Variants in ZNF721 observed in about 807,000 individuals in gnomAD.
ZNF721 encodes zinc finger protein 721.
In ZNF721, 2 loss-of-function variants were observed where a neutral mutation model predicts 2.4. That is an observed-to-expected ratio of 0.82 (90% CI 0.34 to 2.58). ZNF721 has a LOEUF of 2.58. ZNF721 is among the 30% of genes most tolerant of loss of function. The probability of loss-of-function intolerance (pLI) is 0.11; values close to 1 mark genes in which losing one functional copy is unlikely to be tolerated. For missense variants in ZNF721, 1,187 were observed against 1,085.5 expected, an observed-to-expected ratio of 1.09 and a Z score of -1.31; for synonymous variants, 398 against 381.8, an observed-to-expected ratio of 1.04 and a Z score of -0.50.
intron 2 of ZNF721, among the ~76,000 whole-genome samples, chr4:455,195 A>T (rs1311950078): frequency 6.6e-6 from 1 of 152,192 alleles, no homozygotes; most frequent in African/African-American, 2.4e-5. Context: ...CATGGGATAA[A>T]GGTTGTTTAC....
At chr4:476,142 C>T (rs1231983299) in intron 1 of ZNF721, among the ~76,000 whole-genome samples, 1 of 152,182 alleles carries the variant, frequency 6.6e-6, no homozygotes, top group African/African-American at 2.4e-5. Context: ...GTCAATCCAA[C>T]TCATGGTATT....
chr4:464,303 C>G (rs1289455572), intron 2 of ZNF721, among the ~76,000 whole-genome samples: 3 of 151,796 alleles, frequency 2.0e-5, no homozygotes, highest in Non-Finnish European at 2.9e-5. Flanking sequence ...AAACCCATCT[C>G]TACTAAAAAT....
At chr4:463,767 G>T (rs938595769) in intron 2 of ZNF721, among the ~76,000 whole-genome samples, 5 of 152,094 alleles carry the variant, frequency 3.3e-5, no homozygotes, top group Non-Finnish European at 5.9e-5. Flanking sequence ...GGAATGAGGG[G>T]GCTAGGGGAG....
At position 492,920 on chromosome 4, in the gene ZNF721, C is replaced by T. The variant is rs140454966; in HGVS notation, c.-94+6136G>A. Among the ~76,000 whole-genome samples, 64 of 151,832 alleles carry T rather than the reference C, an allele frequency of 4.2e-4. No individual in the cohort carries two copies. The East Asian group carries it at 0.011, about 27-fold the overall frequency. On this transcript the variant is annotated intron_variant, in intron 1 of 2. Coordinates refer to ENST00000511833, the MANE Select transcript of ZNF721 (RefSeq NM_133474.4). ...CTTTGAATTAGACAAAACTTATTCACCTTTTTAAAAAGGTTACACTTTTTT... is the reference window on the plus strand; with the variant it reads ...CTTTGAATTAGACAAAACTTATTCATCTTTTTAAAAAGGTTACACTTTTTT...
rs1553863253 is a variant in ZNF721 at position 442,124 on chromosome 4, G to C, written c.2343C>G (p.Tyr781Ter). The C allele has an allele frequency of 3.1e-6, 5 of 1,613,734 alleles. No homozygotes were observed. The highest frequency in any genetic ancestry group is 4.2e-6 in the Non-Finnish European group (5 of 1,179,744). Residue 781 changes from tyrosine to a stop codon, truncating the protein, a stop_gained, in exon 3 of 3, where the codon TAC becomes TAG. Coordinates refer to ENST00000511833, the MANE Select transcript of ZNF721 (RefSeq NM_133474.4). LOFTEE classifies it low-confidence loss of function (END_TRUNC). Reference protein sequence around the residue: ...HEKIHTGKKPYKCKECGKVIT... With the variant: ...HEKIHTGKKP ...TGACTTTGCCACATTCCTTACATTT[G>C]TAGGGTTTCTTTCCAGTATGAATTT...
Position 443,068 on chromosome 4 carries a change from G to A in ZNF721, c.1399C>T (p.His467Tyr). 2 of 1,613,838 alleles carry A rather than the reference G, an allele frequency of 1.2e-6. No homozygotes were observed. The highest frequency in any genetic ancestry group is 1.7e-6 in the Non-Finnish European group (2 of 1,179,828). ...SLHLNKHEKI[H>Y]TGKKPYKCKQ... ...CATTTGTAGGGTTTCTTTCCAGTAT[G>A]AATTTTCTCATGTTTATTCAGGTGC... Residue 467 changes from histidine (H) to tyrosine (Y), a missense_variant, in exon 3 of 3, where the codon CAT becomes TAT. Physicochemically the swap from His to Tyr is moderately conservative, Grantham distance 83 (BLOSUM62 2). Coordinates refer to ENST00000511833, the MANE Select transcript of ZNF721 (RefSeq NM_133474.4).
In ZNF721 at chr4:444,001, T is replaced by C; in HGVS notation, c.466A>G (p.Lys156Glu). 3 of 1,614,166 alleles carry C rather than the reference T, an allele frequency of 1.9e-6. No individual in the cohort carries two copies. Among genetic ancestry groups the C allele is most frequent in the Non-Finnish European group, 2.5e-6 (3 of 1,180,018 alleles). Residue 156 changes from lysine (K) to glutamate (E), a missense_variant, in exon 3 of 3, where the codon AAG becomes GAG. Physicochemically the swap from Lys to Glu is moderately conservative, Grantham distance 56. Coordinates refer to ENST00000511833, the MANE Select transcript of ZNF721 (RefSeq NM_133474.4). ...GGTTTCTCTCCAGTATGAATTTTCT[T>C]GTGTTGATTCAGGTCTGTGTACCAT... is the stretch of plus-strand genomic sequence containing the variant. ...FGWYTDLNQHKKIHTGEKPYK... is the reference protein window; with the variant it reads ...FGWYTDLNQHEKIHTGEKPYK...
chr4:442,369 C>G lies in ZNF721; in HGVS notation c.2098G>C (p.Glu700Gln), dbSNP rs1553863344. ...CTACTAAAGGCTTTGCCACACTCTT[C>G]ACATTTGTAAGGTTTTTCTCCAGTA... is the stretch of plus-strand genomic sequence containing the variant. ...IHTGEKPYKCEECGKAFSRSR... is the reference protein window; with the variant it reads ...IHTGEKPYKCQECGKAFSRSR... The change falls in exon 3 of 3, where the codon GAA (glutamate) becomes CAA (glutamine). Residue 700 changes from glutamate to glutamine, a missense_variant. Transcript: ENST00000511833. 6 of 1,613,852 alleles carry G rather than the reference C, an allele frequency of 3.7e-6. No homozygotes were observed. In the Admixed American group the frequency reaches 1.0e-4, roughly 27 times the overall value.
At chr4:496,528 G>A (rs1378179006) in intron 1 of ZNF721, among the ~76,000 whole-genome samples, 5 of 152,024 alleles carry the variant, frequency 3.3e-5, no homozygotes, top group Admixed American at 2.6e-4. Flanking sequence ...GCTGAGGGGA[G>A]GCAGGTGCTC....
intron 2 of ZNF721, chr4:453,926 T>A (rs140690554): frequency 6.6e-6 from 1 of 152,180 alleles, no homozygotes; most frequent in African/African-American, 2.4e-5. Context: ...ACGGTATATA[T>A]TGGGAACCTG....
chr4:489,856 A>T (rs1715980063), intron 1 of ZNF721, among the ~76,000 whole-genome samples: 1 of 152,162 alleles, frequency 6.6e-6, no homozygotes, highest in Non-Finnish European at 1.5e-5. Flanking sequence ...TTGGGTTTTT[A>T]AATTTAATTG....
intron 1 of ZNF721, among the ~76,000 whole-genome samples, chr4:477,263 T>G (rs1257056307): frequency 3.4e-5 from 5 of 145,754 alleles, no homozygotes; most frequent in Admixed American, 2.8e-4. Context: ...CCTTTTTTTT[T>G]TTTTTTTTTT....
intron 1 of ZNF721, among the ~76,000 whole-genome samples, chr4:491,837 A>G (rs1716028864): frequency 2.0e-5 from 3 of 152,236 alleles, no homozygotes; most frequent in South Asian, 4.1e-4. Context: ...ACAGAAAGAT[A>G]AACGGATGTA....
At position 478,422 on chromosome 4, in the gene ZNF721, C is replaced by T. The variant is rs373688709; in HGVS notation, c.-93-5721G>A. Among the ~76,000 whole-genome samples, 6 of 152,020 alleles carry T rather than the reference C, an allele frequency of 3.9e-5. No individual in the cohort carries two copies. The East Asian group carries it at 1.2e-3, about 29-fold the overall frequency. ...AGAGATGCACTCTCCCTGTGTTGTC[C>T]AGGTTGATCTTGAACTGTTTGCCTC... On this transcript the variant is annotated intron_variant, in intron 1 of 2. Coordinates refer to ENST00000511833, the MANE Select transcript of ZNF721 (RefSeq NM_133474.4).
chr4:491,063 C>T lies in ZNF721; in HGVS notation c.-94+7993G>A, dbSNP rs75507511. ...TTAGGAGTAAACTGCCAACTCCTGT[C>T]TTCTTCCTTAAAAGAGAAGAAAAAT... On this transcript the variant is annotated intron_variant, in intron 1 of 2. Transcript: ENST00000511833. 1.1e-3 allele frequency among the ~76,000 whole-genome samples: 169 copies of T among 152,248 alleles called. 2 individuals carry two copies. The East Asian group carries it at 0.024, about 21-fold the overall frequency.
intron 1 of ZNF721, among the ~76,000 whole-genome samples, chr4:490,311 C>T (rs1171563740): frequency 2.0e-5 from 3 of 151,658 alleles, no homozygotes; most frequent in Admixed American, 2.0e-4. Flanking sequence ...CCCGTCTCTA[C>T]TAAAAATACA....
At chr4:476,379 T>C (rs1715623477) in intron 1 of ZNF721, among the ~76,000 whole-genome samples, 1 of 152,174 alleles carries the variant, frequency 6.6e-6, no homozygotes, top group Admixed American at 6.5e-5. Flanking sequence ...AATCTGAACT[T>C]ACCTCCTGAA....
chr4:474,173 G>T (rs140381713), intron 1 of ZNF721: 1 of 525,462 alleles, frequency 1.9e-6, no homozygotes, highest in Non-Finnish European at 3.2e-6. Context: ...CCCGGATGCC[G>T]CCCCCTCCTC....
chr4:450,762 C>T (rs1039539934), intron 2 of ZNF721, among the ~76,000 whole-genome samples: 9 of 151,122 alleles, frequency 6.0e-5, no homozygotes, highest in Non-Finnish European at 8.8e-5. Context: ...ATGGTGAAAC[C>T]CCATCTCTAC....
Sources: gnomAD v4.1 joint callset for allele counts (sites outside exome capture counted in the v4.1 genomes callset) on GRCh38, gnomAD v4.1.1 for gene constraint, MANE v1.5 for transcripts, NCBI Gene and HGNC (gene_info 2026-07-23, HGNC 2026-07-21) for gene names.